ATXN7L3B: variants seen among roughly 807,000 people sequenced by gnomAD.
ATXN7L3B encodes ataxin 7 like 3B.
Under a neutral mutation model 6.3 loss-of-function variants are expected in ATXN7L3B, and 4 were observed. The observed-to-expected ratio is 0.63, with a 90% CI of 0.31 to 1.45. The LOEUF (loss-of-function observed/expected upper bound fraction) is 1.45. Among genes scored for constraint, ATXN7L3B ranks in the 40% most tolerant of loss-of-function variants. The pLI, the probability that ATXN7L3B is intolerant of heterozygous loss-of-function variation, is 0.07. For missense variants in ATXN7L3B, 120 were observed against 118.5 expected (o/e 1.01, Z -0.06); for synonymous variants, 63 against 48.0 (o/e 1.31, Z -1.29).
In ATXN7L3B at chr12:74,539,285, C is replaced by T. The variant is rs1242845478; in HGVS notation, c.*879C>T. 3 of 166,968 alleles carry T rather than the reference C, an allele frequency of 1.8e-5. No individual in the cohort carries two copies. Among genetic ancestry groups the T allele is most frequent in the East Asian group, 3.8e-4 (2 of 5,202 alleles). The allele number at this position is 166,968 out of a possible 1,614,324, so 10.3% of individuals were successfully genotyped here. ...TATAAGTTTAGTAGGGCGGTCATTT[C>T]CTACTCTGAGTTACTGGTTACCTAG... On this transcript the variant is annotated 3_prime_UTR_variant, in exon 1 of 1. Coordinates refer to ENST00000519948, the MANE Select transcript of ATXN7L3B (RefSeq NM_001136262.2).
At position 74,538,085 on chromosome 12, in the gene ATXN7L3B, C is replaced by A. The variant is rs547208470; in HGVS notation, c.-28C>A. The A allele has an allele frequency of 1.9e-6, 3 of 1,544,920 alleles. No homozygotes were observed. The highest frequency in any genetic ancestry group is 1.8e-6 in the Non-Finnish European group (2 of 1,142,092). ...GTTGCTGCCGTGAGTAAAACGAGCG[C>A]CCTCTCCGCACTCGTTTACAAATTA... On this transcript the variant is annotated 5_prime_UTR_variant, in exon 1 of 1. Coordinates refer to ENST00000519948, the MANE Select transcript of ATXN7L3B (RefSeq NM_001136262.2).
At position 74,543,877 on chromosome 12, in the gene ATXN7L3B, C is replaced by A. The variant is rs1332308458; in HGVS notation, c.*5471C>A. The A allele has an allele frequency of 6.6e-6, 1 of 151,982 alleles. No individual in the cohort carries two copies. Among genetic ancestry groups the A allele is most frequent in the African/African-American group, 2.4e-5 (1 of 41,424 alleles). The allele number at this position is 151,982 out of a possible 1,614,324, so 9.4% of individuals were successfully genotyped here. On this transcript the variant is annotated 3_prime_UTR_variant, in exon 1 of 1. Coordinates refer to ENST00000519948, the MANE Select transcript of ATXN7L3B (RefSeq NM_001136262.2). ...AAAGGGTATGTACCAAAAATCTACA[C>A]CAGTTACTATACTTATTAATGAATA... is the stretch of plus-strand genomic sequence containing the variant.
rs1005701294 is a variant in ATXN7L3B, at chr12:74,541,704, G to C, written c.*3298G>C. ...TCCATATGAGGTAAGAAGGTGGTAA[G>C]ATAAATCCAGTCCTGTCACTAAAAG... On this transcript the variant is annotated 3_prime_UTR_variant, in exon 1 of 1. Coordinates refer to ENST00000519948, the MANE Select transcript of ATXN7L3B (RefSeq NM_001136262.2). 4 of 152,212 alleles carry C rather than the reference G, an allele frequency of 2.6e-5. No individual in the cohort carries two copies. The highest frequency in any genetic ancestry group is 9.6e-5 in the African/African-American group (4 of 41,454). The allele number at this position is 152,212 out of a possible 1,614,324, so 9.4% of individuals were successfully genotyped here.
rs1565675711 is a variant in ATXN7L3B, at chr12:74,538,430, G to T, written c.*24G>T. ...AGCTGCAAAATGAGAGTCTGAAAGT[G>T]GCCAGGACAATAACATAGACTGGTC... On this transcript the variant is annotated 3_prime_UTR_variant, in exon 1 of 1. Transcript: ENST00000519948. The T allele has an allele frequency of 2.6e-6, 4 of 1,543,232 alleles. No homozygotes were observed. Among genetic ancestry groups the T allele is most frequent in the Non-Finnish European group, 3.5e-6 (4 of 1,142,402 alleles).
rs181064108 is a variant in ATXN7L3B at position 74,539,832 on chromosome 12, C to T, written c.*1426C>T. On this transcript the variant is annotated 3_prime_UTR_variant, in exon 1 of 1. Transcript: ENST00000519948. ...ATGAAGTATAAAGGGGTGGGAGCCC[C>T]GAGGTGAGCGGGAACGGTGCTGCTT... 7 of 167,228 alleles carry T rather than the reference C, an allele frequency of 4.2e-5. No individual in the cohort carries two copies. Among genetic ancestry groups the T allele is most frequent in the Admixed American group, 1.3e-4 (2 of 15,300 alleles). The allele number at this position is 167,228 out of a possible 1,614,324, so 10.4% of individuals were successfully genotyped here.
At position 74,538,665 on chromosome 12, in the gene ATXN7L3B, A is replaced by G. The variant is rs1340287909; in HGVS notation, c.*259A>G. The G allele has an allele frequency of 4.5e-5, 22 of 492,510 alleles. No homozygotes were observed. The highest frequency in any genetic ancestry group is 7.2e-5 in the Non-Finnish European group (19 of 263,376). 30.5% of individuals were successfully genotyped at this position (492,510 alleles called of 1,614,324 possible). On this transcript the variant is annotated 3_prime_UTR_variant, in exon 1 of 1. Coordinates refer to ENST00000519948, the MANE Select transcript of ATXN7L3B (RefSeq NM_001136262.2). ...CCATGCAGTGCCTGTTGATCTCTAA[A>G]CACACCAGGATGTGCGCAAGATCCT...
At position 74,543,225 on chromosome 12, in the gene ATXN7L3B, C is replaced by T. The variant is rs757132264; in HGVS notation, c.*4819C>T. The T allele has an allele frequency of 6.6e-6, 1 of 151,992 alleles. No homozygotes were observed. The highest frequency in any genetic ancestry group is 1.5e-5 in the Non-Finnish European group (1 of 67,964). 9.4% of individuals were successfully genotyped at this position (151,992 alleles called of 1,614,324 possible). A position where few individuals can be genotyped will look rare whatever the true frequency, so the allele number is the denominator to read the frequency against. On this transcript the variant is annotated 3_prime_UTR_variant, in exon 1 of 1. Transcript: ENST00000519948. The stretch of plus-strand genomic sequence containing the variant: ...ATTTTAGAGATGAAAAAAAAATCTT[C>T]AGCAGCAGTGACTTGCCCATAGTTC...
Position 74,539,459 on chromosome 12 carries a change from A to G in ATXN7L3B, c.*1053A>G, listed in dbSNP as rs1031103435. ...CAGAGGGCACTTTCAGCTGCCCTCA[A>G]TAATGTGAATGGATTAGTGCTAGGA... On this transcript the variant is annotated 3_prime_UTR_variant, in exon 1 of 1. Transcript: ENST00000519948. The G allele has an allele frequency of 7.2e-5, 12 of 167,314 alleles. No individual in the cohort carries two copies. The highest frequency in any genetic ancestry group is 2.9e-4 in the African/African-American group (12 of 41,460). 10.4% of individuals were successfully genotyped at this position (167,314 alleles called of 1,614,324 possible). A position where few individuals can be genotyped will look rare whatever the true frequency, so the allele number is the denominator to read the frequency against.
chr12:74,542,868 T>C lies in ATXN7L3B; in HGVS notation c.*4462T>C, dbSNP rs1868932546. On this transcript the variant is annotated 3_prime_UTR_variant, in exon 1 of 1. Transcript: ENST00000519948. Reference sequence around the variant, plus strand: ...CTATGTGCTAAAAGCACAACAATTATTAAATTTATTTTCATGTTGTTGTTT... The same window carrying C: ...CTATGTGCTAAAAGCACAACAATTACTAAATTTATTTTCATGTTGTTGTTT... 6.6e-6 allele frequency: 1 copy of C among 152,196 alleles called. No individual in the cohort carries two copies. Among genetic ancestry groups the C allele is most frequent in the Non-Finnish European group, 1.5e-5 (1 of 68,008 alleles). The allele number at this position is 152,196 out of a possible 1,614,324, so 9.4% of individuals were successfully genotyped here. A position where few individuals can be genotyped will look rare whatever the true frequency, so the allele number is the denominator to read the frequency against.
At position 74,538,674 on chromosome 12, in the gene ATXN7L3B, G is replaced by A. The variant is rs1045417448; in HGVS notation, c.*268G>A. ...GCCTGTTGATCTCTAAACACACCAGGATGTGCGCAAGATCCTGTAGTGCCC... is the reference window on the plus strand; with the variant it reads ...GCCTGTTGATCTCTAAACACACCAGAATGTGCGCAAGATCCTGTAGTGCCC... On this transcript the variant is annotated 3_prime_UTR_variant, in exon 1 of 1. Transcript: ENST00000519948. The A allele has an allele frequency of 2.1e-5, 10 of 472,800 alleles. No homozygotes were observed. The highest frequency in any genetic ancestry group is 3.9e-5 in the African/African-American group (2 of 51,106). 29.3% of individuals were successfully genotyped at this position (472,800 alleles called of 1,614,324 possible). A position where few individuals can be genotyped will look rare whatever the true frequency, so the allele number is the denominator to read the frequency against.
rs573025014 is a variant in ATXN7L3B at position 74,540,957 on chromosome 12, A to G, written c.*2551A>G. On this transcript the variant is annotated 3_prime_UTR_variant, in exon 1 of 1. Transcript: ENST00000519948. ...ATGGGTATAAGGTGGGCTTGGTCCAACAGGTGCCCAGAGGGTACATACTCC... is the reference window on the plus strand; with the variant it reads ...ATGGGTATAAGGTGGGCTTGGTCCAGCAGGTGCCCAGAGGGTACATACTCC... 6.0e-6 allele frequency: 1 copy of G among 167,152 alleles called. No homozygotes were observed. The highest frequency in any genetic ancestry group is 2.1e-4 in the South Asian group (1 of 4,822). 10.4% of individuals were successfully genotyped at this position (167,152 alleles called of 1,614,324 possible).
Position 74,537,996 on chromosome 12 carries a change from C to T in ATXN7L3B, c.-117C>T. ...CTGCAGTTGCGGACGCCACCGACCC[C>T]GCCGCCGGAGGACTGGGCACTGAAA... On this transcript the variant is annotated 5_prime_UTR_variant, in exon 1 of 1. Coordinates refer to ENST00000519948, the MANE Select transcript of ATXN7L3B (RefSeq NM_001136262.2). The T allele has an allele frequency of 3.1e-6, 3 of 974,722 alleles. No homozygotes were observed. Among genetic ancestry groups the T allele is most frequent in the Non-Finnish European group, 3.0e-6 (2 of 666,984 alleles). The allele number at this position is 974,722 out of a possible 1,614,324, so 60.4% of individuals were successfully genotyped here.
rs957500051 is a variant in ATXN7L3B at position 74,543,659 on chromosome 12, TCAA to T, written c.*5257_*5259del. On this transcript the variant is annotated 3_prime_UTR_variant, in exon 1 of 1. Coordinates refer to ENST00000519948, the MANE Select transcript of ATXN7L3B (RefSeq NM_001136262.2). ...TCCTTTAAAATAACAAAAGTAAACA[TCAA>T]CAAGTCAGTTTAATCACAGGATGGC... 6.3e-4 allele frequency: 95 copies of T among 150,456 alleles called. No individual in the cohort carries two copies. Among genetic ancestry groups the T allele is most frequent in the African/African-American group, 2.2e-3 (87 of 40,234 alleles). The allele number at this position is 150,456 out of a possible 1,614,324, so 9.3% of individuals were successfully genotyped here. A position where few individuals can be genotyped will look rare whatever the true frequency, so the allele number is the denominator to read the frequency against.
rs1482189518 is a variant in ATXN7L3B, at chr12:74,543,146, A to G, written c.*4740A>G. 1.3e-5 allele frequency: 2 copies of G among 152,116 alleles called. No individual in the cohort carries two copies. The highest frequency in any genetic ancestry group is 2.9e-5 in the Non-Finnish European group (2 of 67,964). The allele number at this position is 152,116 out of a possible 1,614,324, so 9.4% of individuals were successfully genotyped here. A position where few individuals can be genotyped will look rare whatever the true frequency, so the allele number is the denominator to read the frequency against. The stretch of plus-strand genomic sequence containing the variant: ...CCCATTTTTGAAAACATTTTCAATC[A>G]TATTTCTTGAGACTCATTGGAAATA... On this transcript the variant is annotated 3_prime_UTR_variant, in exon 1 of 1. Transcript: ENST00000519948.
rs1868782017 is a variant in ATXN7L3B at position 74,538,461 on chromosome 12, G to T, written c.*55G>T. The T allele has an allele frequency of 6.9e-7, 1 of 1,442,828 alleles. No individual in the cohort carries two copies. The highest frequency in any genetic ancestry group is 1.4e-5 in the African/African-American group (1 of 70,108). 89.4% of individuals were successfully genotyped at this position (1,442,828 alleles called of 1,614,324 possible). A position where few individuals can be genotyped will look rare whatever the true frequency, so the allele number is the denominator to read the frequency against. On this transcript the variant is annotated 3_prime_UTR_variant, in exon 1 of 1. Transcript: ENST00000519948. The stretch of plus-strand genomic sequence containing the variant: ...GACAATAACATAGACTGGTCCTGTG[G>T]CTTCGAGGAGTAAGCTAAGTAGAAA...
In ATXN7L3B at chr12:74,542,812, T is replaced by A. The variant is rs1057023339; in HGVS notation, c.*4406T>A. 1.3e-5 allele frequency: 2 copies of A among 152,182 alleles called. No individual in the cohort carries two copies. The highest frequency in any genetic ancestry group is 4.8e-5 in the African/African-American group (2 of 41,466). The allele number at this position is 152,182 out of a possible 1,614,324, so 9.4% of individuals were successfully genotyped here. ...ATCTGAAGTGTTGTGAAGTTTTTCT[T>A]ACAATTTTTTAAAAGAGATTTATGA... On this transcript the variant is annotated 3_prime_UTR_variant, in exon 1 of 1. Transcript: ENST00000519948.
rs967497912 is a variant in ATXN7L3B at position 74,538,286 on chromosome 12, T to C, written c.174T>C (p.Asp58=). The stretch of plus-strand genomic sequence containing the variant: ...TCGCAGAGACTGGTAGCGTGAAGGA[T>C]TTTGGCATTCAGCCAGTGGAAGACA... ...LEFAETGSVK[D]FGIQPVEDKG... Residue 58 remains aspartate (D), a synonymous_variant, in exon 1 of 1, where the codon GAT becomes GAC. Coordinates refer to ENST00000519948, the MANE Select transcript of ATXN7L3B (RefSeq NM_001136262.2). 2.6e-6 allele frequency: 4 copies of C among 1,565,054 alleles called. No homozygotes were observed. Among genetic ancestry groups the C allele is most frequent in the Middle Eastern group, 3.3e-4 (2 of 6,006 alleles).
In ATXN7L3B at chr12:74,540,142, C is replaced by T. The variant is rs1476665390; in HGVS notation, c.*1736C>T. 6 of 166,250 alleles carry T rather than the reference C, an allele frequency of 3.6e-5. No homozygotes were observed. Among genetic ancestry groups the T allele is most frequent in the East Asian group, 1.9e-4 (1 of 5,194 alleles). The allele number at this position is 166,250 out of a possible 1,614,324, so 10.3% of individuals were successfully genotyped here. Reference sequence around the variant, plus strand: ...CAGAGGAGAATCTTTCTTATGGCTCCCTCTGTTGAGATTGGAATTGGAAGA... The same window carrying T: ...CAGAGGAGAATCTTTCTTATGGCTCTCTCTGTTGAGATTGGAATTGGAAGA... On this transcript the variant is annotated 3_prime_UTR_variant, in exon 1 of 1. Transcript: ENST00000519948.
Position 74,540,943 on chromosome 12 carries a change from G to A in ATXN7L3B, c.*2537G>A, listed in dbSNP as rs986170089. The A allele has an allele frequency of 1.2e-5, 2 of 167,068 alleles. No individual in the cohort carries two copies. The highest frequency in any genetic ancestry group is 2.9e-5 in the Non-Finnish European group (2 of 68,178). The allele number at this position is 167,068 out of a possible 1,614,324, so 10.3% of individuals were successfully genotyped here. On this transcript the variant is annotated 3_prime_UTR_variant, in exon 1 of 1. Coordinates refer to ENST00000519948, the MANE Select transcript of ATXN7L3B (RefSeq NM_001136262.2). ...GCCTCCTGCCCTGGATGGGTATAAG[G>A]TGGGCTTGGTCCAACAGGTGCCCAG...
Sources: gnomAD v4.1 joint callset for allele counts on GRCh38, gnomAD v4.1.1 for gene constraint, MANE v1.5 for transcripts, NCBI Gene and HGNC (gene_info 2026-07-23, HGNC 2026-07-21) for gene names.